EEIG2: variants seen among roughly 807,000 people sequenced by gnomAD.
EEIG2 encodes the protein EEIG family member 2.
the EEIG2 span, chr1:108,635,064 A>G: frequency 3.1e-6 from 5 of 1,610,460 alleles, no homozygotes; most frequent in Non-Finnish European, 4.2e-6. Context: ...AGTTTCAAAC[A>G]CTGCAGCTCA....
chr1:108,598,109 A>G, the EEIG2 span, among the ~76,000 whole-genome samples: 2 of 152,042 alleles, frequency 1.3e-5, no homozygotes, highest in Admixed American at 6.6e-5. Context: ...AGGTGGCCAG[A>G]TTGCTTGAGG....
At chr1:108,579,797 A>AG in the EEIG2 span, among the ~76,000 whole-genome samples, 4 of 25,318 alleles carry the variant, frequency 1.6e-4, no homozygotes, top group African/African-American at 4.2e-4. Context: ...GAGAGAGAGA[A>AG]AGAAACCCAC....
At chr1:108,599,216 A>G in the EEIG2 span, among the ~76,000 whole-genome samples, 5 of 152,164 alleles carry the variant, frequency 3.3e-5, no homozygotes, top group East Asian at 1.9e-4. Context: ...ATAAAAATCT[A>G]TTTTATTCCC....
the EEIG2 span, among the ~76,000 whole-genome samples, chr1:108,562,882 G>A: frequency 1.3e-5 from 2 of 152,012 alleles, no homozygotes. Context: ...ATATCTAAAG[G>A]AAGTGAATTA....
chr1:108,565,436 G>A, the EEIG2 span, among the ~76,000 whole-genome samples: 4 of 152,174 alleles, frequency 2.6e-5, no homozygotes, highest in Non-Finnish European at 5.9e-5. Context: ...GTTTCAAAAG[G>A]ACAGTATTAT....
the EEIG2 span, chr1:108,628,358 A>AT: frequency 6.2e-7 from 1 of 1,612,158 alleles, no homozygotes. Flanking sequence ...AGAGTGTTTG[A>AT]TATGAGTATT....
At chr1:108,623,438 T>C in the EEIG2 span, among the ~76,000 whole-genome samples, 1 of 151,954 alleles carries the variant, frequency 6.6e-6, no homozygotes, top group Non-Finnish European at 1.5e-5. Flanking sequence ...GAGGCTGCAG[T>C]GAGCCATGAT....
the EEIG2 span, chr1:108,638,240 A>G: frequency 2.0e-5 from 3 of 152,112 alleles, no homozygotes; most frequent in Non-Finnish European, 4.4e-5. Flanking sequence ...CACTGTGCCC[A>G]GCCTAGTTTC....
the EEIG2 span, among the ~76,000 whole-genome samples, chr1:108,584,519 TTTAAGTGAGTCATC>T: frequency 6.6e-6 from 1 of 152,174 alleles, no homozygotes; most frequent in African/African-American, 2.4e-5. Flanking sequence ...CTTTGTTTTA[TTTAAGTGAGTCATC>T]GCTAGCATAG....
the EEIG2 span, among the ~76,000 whole-genome samples, chr1:108,576,332 C>T: frequency 6.6e-5 from 10 of 151,662 alleles, no homozygotes; most frequent in African/African-American, 2.4e-4. Context: ...TTTTAGGGTA[C>T]ATGTGCACAT....
chr1:108,596,745 G>GT, the EEIG2 span, among the ~76,000 whole-genome samples: 272 of 143,790 alleles, frequency 1.9e-3, no homozygotes, highest in Non-Finnish European at 1.7e-3. Context: ...CTGTTTTTTT[G>GT]TTTTTTTTTT....
At chr1:108,612,318 T>G in the EEIG2 span, 1 of 1,486,520 alleles carries the variant, frequency 6.7e-7, no homozygotes, top group Non-Finnish European at 9.3e-7. Flanking sequence ...AGGATTTACT[T>G]GTCAAGAATA....
the EEIG2 span, among the ~76,000 whole-genome samples, chr1:108,606,610 C>T: frequency 6.6e-6 from 1 of 152,302 alleles, no homozygotes; most frequent in East Asian, 1.9e-4. Context: ...TCTGTGTATA[C>T]ATGATCAGTA....
At chr1:108,628,445 A>C in the EEIG2 span, 3 of 1,614,136 alleles carry the variant, frequency 1.9e-6, no homozygotes, top group South Asian at 2.2e-5. Context: ...GCTCTGCCAC[A>C]GGAGAAATAC....
the EEIG2 span, chr1:108,560,540 G>T: frequency 7.4e-6 from 12 of 1,611,324 alleles, no homozygotes; most frequent in South Asian, 4.4e-5. Context: ...GCTGGACGGC[G>T]GCAGCTTCAC....
At chr1:108,613,683 C>A in the EEIG2 span, among the ~76,000 whole-genome samples, 1 of 152,094 alleles carries the variant, frequency 6.6e-6, no homozygotes, top group African/African-American at 2.4e-5. Flanking sequence ...ATCTCCTGAC[C>A]CCTTAGGTAC....
chr1:108,599,482 GC>G, the EEIG2 span, among the ~76,000 whole-genome samples: 1 of 152,002 alleles, frequency 6.6e-6, no homozygotes, highest in East Asian at 1.9e-4. Context: ...TTTTTCTAAG[GC>G]TGAGCACCCC....
chr1:108,608,026 C>T, the EEIG2 span, among the ~76,000 whole-genome samples: 3 of 152,192 alleles, frequency 2.0e-5, no homozygotes, highest in South Asian at 2.1e-4. Context: ...TCTTAATTTA[C>T]GTGTGTCTGG....
At chr1:108,618,389 G>A in the EEIG2 span, among the ~76,000 whole-genome samples, 1 of 152,186 alleles carries the variant, frequency 6.6e-6, no homozygotes, top group Non-Finnish European at 1.5e-5. Context: ...TTGAAGAAAG[G>A]AAAAGGTGTG....
Sources: allele counts gnomAD v4.1 joint callset (sites outside exome capture counted in the v4.1 genomes callset), GRCh38; gene constraint gnomAD v4.1.1; transcripts MANE v1.5; gene names NCBI Gene and HGNC (gene_info 2026-07-23, HGNC 2026-07-21).